Variants in TCEA1 observed in about 807,000 individuals in gnomAD.
TCEA1 encodes transcription elongation factor A protein 1.
Under a neutral mutation model 43.8 loss-of-function variants are expected in TCEA1, and 21 were observed. The ratio of observed to expected loss-of-function variants is 0.48; its 90% CI spans 0.34 to 0.69. The LOEUF is 0.69. Ranked by LOEUF, TCEA1 falls within the 30% of genes least tolerant of loss-of-function variation. TCEA1 has a pLI of 0.01. For synonymous variants in TCEA1, 104 were observed against 117.5 expected, an observed-to-expected ratio of 0.88 and a Z score of 0.75; for missense variants, 250 against 365.1, an observed-to-expected ratio of 0.68 and a Z score of 2.57.
chr8:53,994,390 T>C (rs1303934691), intron 3 of TCEA1, among the ~76,000 whole-genome samples: 1 of 152,206 alleles, frequency 6.6e-6, no homozygotes, highest in African/African-American at 2.4e-5. Context: ...CACAGCAATA[T>C]TGTTTTTAAT....
At chr8:54,010,041 AAG>A (rs1409231181) in intron 2 of TCEA1, 3 of 194,386 alleles carry the variant, frequency 1.5e-5, no homozygotes, top group African/African-American at 7.2e-5. Context: ...CTAAAAAAAA[AAG>A]AAAAAAAAAG....
At chr8:53,995,267 C>A (rs1419936398) in intron 3 of TCEA1, among the ~76,000 whole-genome samples, 1 of 150,028 alleles carries the variant, frequency 6.7e-6, no homozygotes, top group African/African-American at 2.5e-5. Flanking sequence ...TGCACTCCAG[C>A]CTGGGTGACA....
chr8:53,993,043 C>T (rs573111421), intron 4 of TCEA1, among the ~76,000 whole-genome samples: 91 of 151,330 alleles, frequency 6.0e-4, no homozygotes, highest in African/African-American at 2.1e-3. Context: ...ACCTCTGCCT[C>T]CCGGGTTCCA....
intron 8 of TCEA1, 144 bp downstream of exon 8, chr8:53,978,881 A>G (rs1209145733): frequency 7.4e-6 from 7 of 950,166 alleles, no homozygotes; most frequent in Non-Finnish European, 1.1e-5. Flanking sequence ...CCGTGGTTTC[A>G]GGCATCCACT....
At chr8:54,021,143 C>T (rs1297610514) in intron 1 of TCEA1, among the ~76,000 whole-genome samples, 4 of 152,164 alleles carry the variant, frequency 2.6e-5, no homozygotes, top group African/African-American at 9.6e-5. Flanking sequence ...GAGCCGAGAT[C>T]AAGCCATTGC....
chr8:53,985,907 A>G (rs1803677469), intron 6 of TCEA1, among the ~76,000 whole-genome samples: 1 of 152,222 alleles, frequency 6.6e-6, no homozygotes, highest in Admixed American at 6.5e-5. Flanking sequence ...CTCAATCTAC[A>G]AGGCAGAAAA....
At chr8:53,988,324 T>C (rs1803759906) in intron 4 of TCEA1, 65 bp from the exon 5 acceptor site, 4 of 1,535,050 alleles carry the variant, frequency 2.6e-6, no homozygotes, top group Non-Finnish European at 2.6e-6. Context: ...ACAATACTAC[T>C]ATCATGCTGT....
At chr8:53,970,581 T>G (rs1563458246) in intron 8 of TCEA1, 118 bp from the exon 9 acceptor site, 1 of 575,274 alleles carries the variant, frequency 1.7e-6, no homozygotes, top group Non-Finnish European at 3.0e-6. Context: ...ATAAAATGAA[T>G]AGAAGTCTGA....
intron 4 of TCEA1, among the ~76,000 whole-genome samples, chr8:53,990,603 T>A (rs1334502552): frequency 1.3e-5 from 2 of 152,032 alleles, no homozygotes; most frequent in Non-Finnish European, 2.9e-5. Flanking sequence ...GCTCAAGTGA[T>A]CCCCCTACCT....
In TCEA1 at chr8:53,979,072, A is replaced by G. The variant is rs1238976061; in HGVS notation, c.778T>C (p.Leu260=). Residue 260 remains leucine, a synonymous_variant, in exon 8 of 10, where the codon TTG becomes CTG. Transcript: ENST00000521604. ...MAKTGGTQTD[L]FTCGKCKKKN... ...TTTTTACATTTGCCACATGTGAACA[A>G]GTCAGTCTGGGTCCCACCAGTCTTG... 11 of 1,613,518 alleles carry G rather than the reference A, an allele frequency of 6.8e-6. No individual in the cohort carries two copies. Among genetic ancestry groups the G allele is most frequent in the Non-Finnish European group, 9.3e-6 (11 of 1,179,646 alleles).
chr8:54,004,359 C>G (rs148001833), intron 2 of TCEA1, among the ~76,000 whole-genome samples: 57 of 152,312 alleles, frequency 3.7e-4, no homozygotes, highest in African/African-American at 1.4e-3. Flanking sequence ...TGATACATAA[C>G]AGCCAAAAAA....
chr8:53,998,296 G>A (rs28565202), intron 3 of TCEA1, among the ~76,000 whole-genome samples: 24,280 of 152,150 alleles, frequency 0.16, 5,412 homozygotes, highest in African/African-American at 0.51. Context: ...ATGTGATATT[G>A]CCATAGGAGG....
At chr8:54,014,844 T>C (rs1350741609) in intron 1 of TCEA1, among the ~76,000 whole-genome samples, 4 of 152,186 alleles carry the variant, frequency 2.6e-5, no homozygotes, top group East Asian at 3.8e-4. Context: ...ATCTGGGTAA[T>C]GTTATTTGTC....
chr8:54,009,532 A>T (rs149303051), intron 2 of TCEA1, among the ~76,000 whole-genome samples: 1 of 152,338 alleles, frequency 6.6e-6, no homozygotes, highest in East Asian at 1.9e-4. Flanking sequence ...ACACGGATGG[A>T]ACTGAAGTTA....
At chr8:53,985,755 C>G (rs1265060741) in intron 6 of TCEA1, among the ~76,000 whole-genome samples, 1 of 152,192 alleles carries the variant, frequency 6.6e-6, no homozygotes, top group Non-Finnish European at 1.5e-5. Flanking sequence ...TTTCCCGGTG[C>G]TTAGCAAGAA....
rs1563513218 is a variant in TCEA1, at chr8:54,010,504, A to G, written c.64-12T>C. 5.7e-6 allele frequency: 9 copies of G among 1,580,370 alleles called. No individual in the cohort carries two copies. The highest frequency in any genetic ancestry group is 1.4e-5 in the African/African-American group (1 of 73,684). ...TCCAATGCTCCAGCCTATAAAATAA[A>G]ATAATTTCATATTGAATTCCCAAGA... is the stretch of plus-strand genomic sequence containing the variant. On this transcript the variant is annotated splice_polypyrimidine_tract_variant and intron_variant, in intron 1 of 9. Coordinates refer to ENST00000521604, the MANE Select transcript of TCEA1 (RefSeq NM_006756.4).
chr8:54,020,490 A>G (rs1156236239), intron 1 of TCEA1, among the ~76,000 whole-genome samples: 1 of 152,230 alleles, frequency 6.6e-6, no homozygotes, highest in Non-Finnish European at 1.5e-5. Flanking sequence ...TAAAGGAAAA[A>G]GGGGAACAGA....
At chr8:53,993,382 C>A (rs1279351373) in intron 4 of TCEA1, 1 of 227,730 alleles carries the variant, frequency 4.4e-6, no homozygotes, top group Non-Finnish European at 8.4e-6. Context: ...CTAATCACTA[C>A]CTCCATTATC....
At position 54,010,270 on chromosome 8, in the gene TCEA1, G is replaced by A. The variant is rs922394884; in HGVS notation, c.126+160C>T. 9.7e-5 allele frequency: 58 copies of A among 595,722 alleles called. No individual in the cohort carries two copies. The South Asian group carries it at 1.1e-3, about 12-fold the overall frequency. 36.9% of individuals were successfully genotyped at this position (595,722 alleles called of 1,614,324 possible). A position where few individuals can be genotyped will look rare whatever the true frequency, so the allele number is the denominator to read the frequency against. ...GACATTGCTCTATAATGGCAACTTA[G>A]TAGATTATTGATTTATATTGCCATC... On this transcript the variant is annotated intron_variant, in intron 2 of 9. Transcript: ENST00000521604.
Sources: gnomAD v4.1 joint callset for allele counts (sites outside exome capture counted in the v4.1 genomes callset) on GRCh38, gnomAD v4.1.1 for gene constraint, MANE v1.5 for transcripts, NCBI Gene and HGNC (gene_info 2026-07-23, HGNC 2026-07-21) for gene names.